RNU6-8: variants seen among roughly 807,000 people sequenced by gnomAD.
The protein encoded by RNU6-8 is RNA, U6 small nuclear 8.
chr14:32,203,223 T>C (rs1054388595), exon 1 of RNU6-8: 5 of 152,360 alleles, frequency 3.3e-5, no homozygotes, highest in African/African-American at 1.2e-4. Flanking sequence ...ATGCTAATCT[T>C]CTCTGTATCG....
chr14:32,203,169 A>G (rs1005094662), exon 1 of RNU6-8: 9 of 152,512 alleles, frequency 5.9e-5, no homozygotes, highest in Non-Finnish European at 7.4e-5. Flanking sequence ...TGCGCAAAAT[A>G]TGGAACGCTT....
At chr14:32,203,256 G>A (rs1203432421) in exon 1 of RNU6-8, 1 of 152,352 alleles carries the variant, frequency 6.6e-6, no homozygotes, top group South Asian at 2.1e-4. Flanking sequence ...TATATGTGCT[G>A]CCGAAGCGAG....
chr14:32,203,219 ATCT>A (rs1157025731), exon 1 of RNU6-8: 1 of 152,338 alleles, frequency 6.6e-6, no homozygotes, highest in Admixed American at 6.5e-5. Context: ...GGCCATGCTA[ATCT>A]TCTCTGTATC....
exon 1 of RNU6-8, chr14:32,203,236 C>CT (rs549994651): frequency 6.6e-6 from 1 of 152,314 alleles, no homozygotes; most frequent in Non-Finnish European, 1.5e-5. Flanking sequence ...CTGTATCGTT[C>CT]CAATTTTAGT....
At chr14:32,203,215 G>GA (rs778709955) in exon 1 of RNU6-8, 4 of 152,294 alleles carry the variant, frequency 2.6e-5, no homozygotes, top group South Asian at 2.1e-4. Context: ...CAGGGGCCAT[G>GA]CTAATCTTCT....
chr14:32,203,173 A>C (rs990734891), exon 1 of RNU6-8: 7 of 152,386 alleles, frequency 4.6e-5, no homozygotes, highest in Non-Finnish European at 8.8e-5. Flanking sequence ...CAAAATATGG[A>C]ACGCTTCACG....
chr14:32,203,187 T>G lies in RNU6-8; in HGVS notation n.83A>C, dbSNP rs1304317676. On this transcript the variant is annotated non_coding_transcript_exon_variant, in exon 1 of 1. Coordinates refer to ENST00000365467, the Ensembl canonical transcript of RNU6-8. ...GCAAAATATGGAACGCTTCACGAAT[T>G]TGCGTGTCATCCTTGCGCAGGGGCC... 3 of 152,416 alleles carry G rather than the reference T, an allele frequency of 2.0e-5. No homozygotes were observed. In the East Asian group the frequency reaches 5.8e-4, roughly 29 times the overall value. The allele number at this position is 152,416 out of a possible 1,614,324, so 9.4% of individuals were successfully genotyped here. A position where few individuals can be genotyped will look rare whatever the true frequency, so the allele number is the denominator to read the frequency against.
chr14:32,203,220 T>C (rs1400107941), exon 1 of RNU6-8: 1 of 152,366 alleles, frequency 6.6e-6, no homozygotes, highest in East Asian at 1.9e-4. Flanking sequence ...GCCATGCTAA[T>C]CTTCTCTGTA....
At chr14:32,203,172 G>C (rs906517192) in exon 1 of RNU6-8, 1 of 152,356 alleles carries the variant, frequency 6.6e-6, no homozygotes, top group Non-Finnish European at 1.5e-5. Flanking sequence ...GCAAAATATG[G>C]AACGCTTCAC....
exon 1 of RNU6-8, chr14:32,203,172 G>T (rs906517192): frequency 2.0e-5 from 3 of 152,356 alleles, no homozygotes; most frequent in Non-Finnish European, 4.4e-5. Context: ...GCAAAATATG[G>T]AACGCTTCAC....
exon 1 of RNU6-8, chr14:32,203,168 T>C (rs139812424): frequency 9.2e-5 from 14 of 152,488 alleles, no homozygotes; most frequent in South Asian, 6.2e-4. Flanking sequence ...CTGCGCAAAA[T>C]ATGGAACGCT....
chr14:32,203,226 C>G (rs191324225), exon 1 of RNU6-8: 2 of 152,488 alleles, frequency 1.3e-5, no homozygotes, highest in East Asian at 1.9e-4. Context: ...CTAATCTTCT[C>G]TGTATCGTTC....
exon 1 of RNU6-8, chr14:32,203,163 CA>C (rs1480543649): frequency 6.6e-6 from 1 of 152,390 alleles, no homozygotes; most frequent in African/African-American, 2.4e-5. Context: ...ACAGACTGCG[CA>C]AAATATGGAA....
At chr14:32,203,262 G>A (rs372799513) in exon 1 of RNU6-8, 3 of 152,342 alleles carry the variant, frequency 2.0e-5, no homozygotes, top group Non-Finnish European at 2.9e-5. Flanking sequence ...TGCTGCCGAA[G>A]CGAGCACGTT....
exon 1 of RNU6-8, chr14:32,203,174 A>T (rs1338239423): frequency 6.6e-6 from 1 of 152,340 alleles, no homozygotes; most frequent in African/African-American, 2.4e-5. Context: ...AAAATATGGA[A>T]CGCTTCACGA....
chr14:32,203,207 G>A (rs573776253), exon 1 of RNU6-8: 2 of 152,512 alleles, frequency 1.3e-5, no homozygotes, highest in East Asian at 1.9e-4. Context: ...TCCTTGCGCA[G>A]GGGCCATGCT....
exon 1 of RNU6-8, chr14:32,203,247 A>C (rs1012040063): frequency 6.6e-6 from 1 of 152,358 alleles, no homozygotes; most frequent in Non-Finnish European, 1.5e-5. Flanking sequence ...CAATTTTAGT[A>C]TATGTGCTGC....
chr14:32,203,232 C>T (rs1882870640), exon 1 of RNU6-8: 1 of 152,310 alleles, frequency 6.6e-6, no homozygotes, highest in African/African-American at 2.4e-5. Context: ...TTCTCTGTAT[C>T]GTTCCAATTT....
At chr14:32,203,164 A>G (rs370460145) in exon 1 of RNU6-8, 3 of 152,540 alleles carry the variant, frequency 2.0e-5, no homozygotes, top group Admixed American at 6.5e-5. Flanking sequence ...CAGACTGCGC[A>G]AAATATGGAA....
Sources: allele counts gnomAD v4.1 joint callset, GRCh38; gene constraint gnomAD v4.1.1; transcripts MANE v1.5; gene names NCBI Gene and HGNC (gene_info 2026-07-23, HGNC 2026-07-21).